SLC2A11: variants seen among roughly 807,000 people sequenced by gnomAD.
SLC2A11 encodes the protein solute carrier family 2, facilitated glucose transporter member 11.
SLC2A11 carries 43 observed loss-of-function variants against 52.1 expected under a neutral mutation model. The observed-to-expected ratio is 0.82, with a 90% CI of 0.65 to 1.06. SLC2A11 has a LOEUF of 1.06. Ranked by LOEUF, SLC2A11 falls within the 50% of genes least tolerant of loss-of-function variation. The pLI, the probability that SLC2A11 is intolerant of heterozygous loss-of-function variation, is 0.00. For synonymous variants in SLC2A11, 261 were observed against 277.6 expected (o/e 0.94, Z 0.59); for missense variants, 582 against 654.2 (o/e 0.89, Z 1.20).
At position 23,886,071 on chromosome 22, in the gene SLC2A11, A is replaced by AT. The variant is rs2032987614; in HGVS notation, c.*1222_*1223insT. ...CAATTGGTCAGATTTGCCTTTTTTC[A>AT]GAATCTGAAGTCATTCCGTACTGTA... On this transcript the variant is annotated 3_prime_UTR_variant, in exon 12 of 12. Coordinates refer to ENST00000316185, the MANE Select transcript of SLC2A11 (RefSeq NM_001024939.4). 6.6e-6 allele frequency: 1 copy of AT among 152,234 alleles called. No homozygotes were observed. Among genetic ancestry groups the AT allele is most frequent in the South Asian group, 2.1e-4 (1 of 4,832 alleles). The allele number at this position is 152,234 out of a possible 1,614,324, so 9.4% of individuals were successfully genotyped here.
intron 1 of SLC2A11, among the ~76,000 whole-genome samples, chr22:23,858,856 A>T (rs1448569298): frequency 2.0e-4 from 30 of 152,196 alleles, no homozygotes; most frequent in Non-Finnish European, 8.8e-5. Context: ...TGCTGGAAGG[A>T]AAGCTCTGAC....
intron 2 of SLC2A11, among the ~76,000 whole-genome samples, chr22:23,864,775 C>T (rs2032197209): frequency 1.3e-5 from 2 of 152,170 alleles, no homozygotes; most frequent in African/African-American, 4.8e-5. Context: ...GAGGCTTCCC[C>T]TACCCTGCTG....
chr22:23,857,585 C>G (rs893692619), upstream of SLC2A11: 19 of 1,474,846 alleles, frequency 1.3e-5, no homozygotes, highest in Middle Eastern at 2.2e-4. Flanking sequence ...AAACCCCCCC[C>G]CCGCGGCGGC....
chr22:23,883,897 G>T, intron 9 of SLC2A11, 24 bp downstream of exon 9: 1 of 1,608,776 alleles, frequency 6.2e-7, no homozygotes, highest in Non-Finnish European at 8.5e-7. Flanking sequence ...ATGAGGGCTG[G>T]GGGGTCCAGG....
chr22:23,860,665 G>A (rs1400447740), intron 1 of SLC2A11, among the ~76,000 whole-genome samples: 9 of 150,012 alleles, frequency 6.0e-5, no homozygotes, highest in Non-Finnish European at 1.2e-4. Flanking sequence ...ACTGGGAGGC[G>A]GAGATTGCAG....
intron 5 of SLC2A11, chr22:23,877,518 G>C (rs1185021320): frequency 1.3e-6 from 1 of 785,338 alleles, no homozygotes; most frequent in South Asian, 1.5e-5. Context: ...GAGTTGCTAG[G>C]GATGAGGTGG....
intron 1 of SLC2A11, chr22:23,858,299 T>A: frequency 1.6e-6 from 1 of 611,672 alleles, no homozygotes; most frequent in Non-Finnish European, 3.0e-6. Flanking sequence ...CGATCAGCCC[T>A]GACCTCAGAG....
intron 2 of SLC2A11, 37 bp downstream of exon 2, chr22:23,862,239 G>A: frequency 1.3e-6 from 2 of 1,590,640 alleles, no homozygotes; most frequent in Non-Finnish European, 1.7e-6. Context: ...GTCCCTGTCT[G>A]AGTGGGTACT....
chr22:23,872,629 T>A (rs2032492689), intron 3 of SLC2A11: 1 of 152,240 alleles, frequency 6.6e-6, no homozygotes, highest in Non-Finnish European at 1.5e-5. Flanking sequence ...TACCAGGTTT[T>A]CAAGTCACCT....
chr22:23,857,214 C>A (rs942181540), upstream of SLC2A11: 9 of 747,414 alleles, frequency 1.2e-5, no homozygotes, highest in Non-Finnish European at 2.0e-5. Flanking sequence ...CGCAGGGTTG[C>A]GGCTGAGGTC....
chr22:23,865,932 G>C (rs1018653049), intron 2 of SLC2A11: 46 of 152,464 alleles, frequency 3.0e-4, no homozygotes, highest in African/African-American at 1.1e-3. Context: ...TTGAGAGGCC[G>C]AGGTGGGAGG....
At position 23,868,609 on chromosome 22, in the gene SLC2A11, G is replaced by T; in HGVS notation, c.258G>T (p.Leu86=). The part of the protein sequence containing the change: ...LYPLGGLFGA[L]LAGPLAITLG... Reference sequence around the variant, plus strand: ...CCCTGGGAGGCCTCTTTGGAGCACTGCTTGCAGGTCCCTTGGCCATCACGC... The same window carrying T: ...CCCTGGGAGGCCTCTTTGGAGCACTTCTTGCAGGTCCCTTGGCCATCACGC... The change falls in exon 3 of 12, where the codon CTG becomes CTT. Residue 86 remains leucine (L), a synonymous_variant. Transcript: ENST00000316185. 5.0e-6 allele frequency: 8 copies of T among 1,614,150 alleles called. No individual in the cohort carries two copies. The highest frequency in any genetic ancestry group is 6.8e-6 in the Non-Finnish European group (8 of 1,180,022).
intron 7 of SLC2A11, 42 bp from the exon 8 acceptor site, chr22:23,882,717 G>A (rs374795850): frequency 6.2e-6 from 10 of 1,606,700 alleles, no homozygotes; most frequent in Non-Finnish European, 8.5e-6. Flanking sequence ...GGAGCCATGG[G>A]AGGTGGAAGG....
At chr22:23,857,663 G>A, upstream of SLC2A11, 1 of 1,119,272 alleles carries the variant, frequency 8.9e-7, no homozygotes, top group Non-Finnish European at 1.3e-6. Flanking sequence ...CGCTGAGTCC[G>A]CGCATGCGCC....
upstream of SLC2A11, chr22:23,857,070 GT>G (rs1568979896): frequency 1.8e-4 from 188 of 1,068,586 alleles, 2 homozygotes; most frequent in African/African-American, 2.6e-3. Context: ...AAGTGTGTGT[GT>G]GTGGGGGGGG....
intron 1 of SLC2A11, among the ~76,000 whole-genome samples, chr22:23,861,403 T>A (rs1319425974): frequency 6.6e-6 from 1 of 151,782 alleles, no homozygotes; most frequent in Non-Finnish European, 1.5e-5. Context: ...TGTTTCACTG[T>A]CCTTTTGTGT....
intron 2 of SLC2A11, 36 bp from the exon 3 acceptor site, chr22:23,868,445 C>T (rs753823763): frequency 6.2e-7 from 1 of 1,610,636 alleles, no homozygotes; most frequent in East Asian, 2.2e-5. Flanking sequence ...CCCACGCCAC[C>T]ATCCCCAGAA....
chr22:23,861,290 C>CAAAAAAAAAAAAAA (rs56138210), intron 1 of SLC2A11, among the ~76,000 whole-genome samples: 3 of 35,624 alleles, frequency 8.4e-5, no homozygotes, highest in African/African-American at 3.3e-4. Context: ...GACTCAGTCT[C>CAAAAAAAAAAAAAA]AAAAAAAAAA....
chr22:23,862,872 C>T (rs1034621542), intron 2 of SLC2A11, among the ~76,000 whole-genome samples: 2 of 152,192 alleles, frequency 1.3e-5, no homozygotes, highest in African/African-American at 4.8e-5. Context: ...ATCCGCCTGC[C>T]TCAGCCTCCC....
Sources: allele counts gnomAD v4.1 joint callset (sites outside exome capture counted in the v4.1 genomes callset), GRCh38; gene constraint gnomAD v4.1.1; transcripts MANE v1.5; gene names NCBI Gene and HGNC (gene_info 2026-07-23, HGNC 2026-07-21).